The following XPR1 variants were observed in gnomAD, a reference collection of about 807,000 sequenced individuals.
XPR1 encodes the protein xenotropic and polytropic retrovirus receptor 1, also known as solute carrier family 53 member 1.
XPR1 carries 28 observed loss-of-function variants against 87.5 expected under a neutral mutation model. The observed-to-expected ratio is 0.32, with a 90% CI of 0.24 to 0.44. The LOEUF (loss-of-function observed/expected upper bound fraction) is 0.44, where lower values mean the gene tolerates loss of function less well. XPR1 is among the 20% of genes least tolerant of loss of function. XPR1 has a pLI of 1.00. For missense variants in XPR1, 559 were observed against 862.3 expected, an observed-to-expected ratio of 0.65 and a Z score of 4.41; for synonymous variants, 300 against 306.1, an observed-to-expected ratio of 0.98 and a Z score of 0.21.
intron 2 of XPR1, among the ~76,000 whole-genome samples, chr1:180,697,846 G>T (rs1035590303): frequency 1.3e-5 from 2 of 152,088 alleles, no homozygotes; most frequent in Non-Finnish European, 2.9e-5. Flanking sequence ...AAATTCTTGA[G>T]ATTTGTTTTG....
intron 1 of XPR1, among the ~76,000 whole-genome samples, chr1:180,677,517 C>T (rs1398271418): frequency 6.6e-6 from 1 of 152,124 alleles, no homozygotes; most frequent in Non-Finnish European, 1.5e-5. Context: ...GTTTATTGAT[C>T]TGGGTGGTGC....
In XPR1 at chr1:180,819,274, G is replaced by C. The variant is rs1308601942; in HGVS notation, c.764-5479G>C. Among the ~76,000 whole-genome samples the C allele has an allele frequency of 2.0e-5, 3 of 152,166 alleles. No individual in the cohort carries two copies. In the South Asian group the frequency reaches 6.2e-4, roughly 32 times the overall value. On this transcript the variant is annotated intron_variant, in intron 7 of 14. Transcript: ENST00000367590. ...CCCTGTTTTTTGAACCATTTTGAAA[G>C]TAAATAAGTTCATTAGCTTAAATAT...
intron 1 of XPR1, among the ~76,000 whole-genome samples, chr1:180,657,934 C>A (rs923500049): frequency 6.6e-6 from 1 of 152,040 alleles, no homozygotes; most frequent in Non-Finnish European, 1.5e-5. Flanking sequence ...AATATCTTTC[C>A]ATTTTTTGCA....
At chr1:180,747,399 A>T (rs1647301203) in intron 2 of XPR1, among the ~76,000 whole-genome samples, 1 of 152,184 alleles carries the variant, frequency 6.6e-6, no homozygotes, top group Non-Finnish European at 1.5e-5. Context: ...TTAGTTGCTA[A>T]TACATTGTTT....
intron 2 of XPR1, among the ~76,000 whole-genome samples, chr1:180,784,293 A>C (rs553242610): frequency 2.0e-5 from 3 of 152,026 alleles, no homozygotes. Flanking sequence ...TTGAAAAGCT[A>C]TATTTCCTTT....
chr1:180,809,654 T>C (rs1356391093), intron 6 of XPR1, among the ~76,000 whole-genome samples: 1 of 152,102 alleles, frequency 6.6e-6, no homozygotes, highest in Admixed American at 6.5e-5. Flanking sequence ...AAAGAAAATG[T>C]GGAAGTGGTT....
In XPR1 at chr1:180,829,111, G is replaced by A. The variant is rs115966311; in HGVS notation, c.1134+3767G>A. ...CTTGGGAGGCTGAGGGAGGAGGATCGCTTGAGTCCAGCAGGTTGAGGTTGC... is the reference window on the plus strand; with the variant it reads ...CTTGGGAGGCTGAGGGAGGAGGATCACTTGAGTCCAGCAGGTTGAGGTTGC... On this transcript the variant is annotated intron_variant, in intron 9 of 14. Transcript: ENST00000367590. Among the ~76,000 whole-genome samples the A allele has an allele frequency of 7.8e-3, 1,188 of 152,198 alleles. 17 individuals are homozygous for A. Among genetic ancestry groups the A allele is most frequent in the African/African-American group, 0.027 (1,130 of 41,540 alleles).
At chr1:180,682,476 C>T in intron 2 of XPR1, 65 bp downstream of exon 2, 2 of 1,371,876 alleles carry the variant, frequency 1.5e-6, no homozygotes, top group Middle Eastern at 3.7e-4. Flanking sequence ...ATATTTTGTA[C>T]TGCAGAGTAT....
intron 1 of XPR1, among the ~76,000 whole-genome samples, chr1:180,664,106 A>G (rs1557946133): frequency 1.3e-5 from 2 of 152,108 alleles, no homozygotes; most frequent in South Asian, 2.1e-4. Context: ...GGGGACCCCA[A>G]AAGCCTGCTT....
chr1:180,765,064 C>G (rs957379767), intron 2 of XPR1, among the ~76,000 whole-genome samples: 11 of 152,120 alleles, frequency 7.2e-5, no homozygotes, highest in African/African-American at 2.7e-4. Flanking sequence ...GGATTACAGG[C>G]GTGAGCTACC....
chr1:180,697,096 G>A (rs1254241112), intron 2 of XPR1, among the ~76,000 whole-genome samples: 1 of 152,072 alleles, frequency 6.6e-6, no homozygotes, highest in Non-Finnish European at 1.5e-5. Flanking sequence ...CAGCAGTAAA[G>A]CCATCCAATC....
intron 11 of XPR1, among the ~76,000 whole-genome samples, chr1:180,841,539 T>C (rs866353834): frequency 6.6e-5 from 10 of 152,324 alleles, no homozygotes; most frequent in Middle Eastern, 6.8e-3. Flanking sequence ...TGAAATATTT[T>C]CTTTGCTGAC....
At chr1:180,753,180 G>A (rs1429048570) in intron 2 of XPR1, among the ~76,000 whole-genome samples, 1 of 152,198 alleles carries the variant, frequency 6.6e-6, no homozygotes, top group East Asian at 1.9e-4. Flanking sequence ...TTGTATGCAA[G>A]TTCCTAGCAA....
intron 1 of XPR1, among the ~76,000 whole-genome samples, chr1:180,658,404 G>A (rs575041013): frequency 1.3e-5 from 2 of 152,150 alleles, no homozygotes; most frequent in African/African-American, 4.8e-5. Flanking sequence ...TCCCCATTCA[G>A]TATAATACTA....
chr1:180,750,376 AAT>A (rs779023002), intron 2 of XPR1, among the ~76,000 whole-genome samples: 8 of 152,188 alleles, frequency 5.3e-5, no homozygotes, highest in East Asian at 3.8e-4. Context: ...ATGTGGATTT[AAT>A]ATGTTACTAA....
At chr1:180,814,751 G>A (rs755734879) in intron 7 of XPR1, among the ~76,000 whole-genome samples, 5 of 152,124 alleles carry the variant, frequency 3.3e-5, no homozygotes, top group Admixed American at 6.5e-5. Flanking sequence ...TTTTCTAAGC[G>A]GTTCAAAGAG....
intron 11 of XPR1, among the ~76,000 whole-genome samples, chr1:180,841,873 A>G (rs1304114080): frequency 6.6e-6 from 1 of 152,198 alleles, no homozygotes; most frequent in Admixed American, 6.5e-5. Context: ...AAATCGAGGG[A>G]AAAAGATTGA....
rs1652800214 is a variant in XPR1, at chr1:180,880,095, T to C, written c.1828T>C (p.Phe610Leu). 1 of 1,614,116 alleles carries C rather than the reference T, an allele frequency of 6.2e-7. No individual in the cohort carries two copies. The highest frequency in any genetic ancestry group is 1.3e-5 in the African/African-American group (1 of 74,946). The change falls in exon 14 of 15, where the codon TTC becomes CTC. Residue 610 changes from phenylalanine to leucine, a missense_variant. By Grantham distance (22) the Phe-to-Leu change is conservative. Around this residue, in one of 7 missense-constraint regions of XPR1, gnomAD observed 2 missense variants for 22.9 expected, o/e 0.09. Transcript: ENST00000367590. The stretch of plus-strand genomic sequence containing the variant: ...GCTAAGGCGATTTGTGTGGAACTTC[T>C]TCCGCCTGGAGAATGAACATCTGAA... ...EVFRRFVWNFFRLENEHLNNC... is the reference protein window; with the variant it reads ...EVFRRFVWNFLRLENEHLNNC...
intron 2 of XPR1, among the ~76,000 whole-genome samples, chr1:180,715,196 A>T (rs1005441107): frequency 1.3e-5 from 2 of 152,198 alleles, no homozygotes; most frequent in African/African-American, 4.8e-5. Context: ...TGAAAATATT[A>T]ATGTAAATAA....
Sources: allele counts gnomAD v4.1 joint callset (sites outside exome capture counted in the v4.1 genomes callset), GRCh38; gene constraint gnomAD v4.1.1; regional missense constraint gnomAD v4.1.1; transcripts MANE v1.5; gene names NCBI Gene and HGNC (gene_info 2026-07-23, HGNC 2026-07-21).